DAW1: variants seen among roughly 807,000 people sequenced by gnomAD.
The protein encoded by DAW1 is dynein assembly factor with WD repeats 1.
A neutral mutation model predicts 56.5 loss-of-function variants in DAW1; 47 were observed. That is an observed-to-expected ratio of 0.83 (90% CI 0.66 to 1.06). The LOEUF is 1.06. Ranked by LOEUF, DAW1 falls within the 50% of genes least tolerant of loss-of-function variation. The pLI is 0.00. For synonymous variants in DAW1, 190 were observed against 179.0 expected (o/e 1.06, Z -0.49); for missense variants, 505 against 499.3 (o/e 1.01, Z -0.11).
At chr2:227,882,324 GA>G (rs1341750869) in intron 1 of DAW1, among the ~76,000 whole-genome samples, 1 of 152,150 alleles carries the variant, frequency 6.6e-6, no homozygotes, top group Non-Finnish European at 1.5e-5. Context: ...TAATGGTGCA[GA>G]AGCAGTGGAA....
At chr2:227,923,843 C>G in intron 12 of DAW1, 91 bp from the exon 13 acceptor site, 2 of 1,502,612 alleles carry the variant, frequency 1.3e-6, no homozygotes, top group Non-Finnish European at 1.8e-6. Flanking sequence ...TTGTTAATTA[C>G]CAATGGCCCA....
chr2:227,924,100 C>A lies in DAW1; in HGVS notation c.*132C>A. 9.5e-7 allele frequency: 1 copy of A among 1,050,120 alleles called. No homozygotes were observed. Among genetic ancestry groups the A allele is most frequent in the Non-Finnish European group, 1.4e-6 (1 of 700,272 alleles). 65.1% of individuals were successfully genotyped at this position (1,050,120 alleles called of 1,614,324 possible). ...CAAGTCAACTATTTCTACAACTGTC[C>A]TTCATTTCACAGATATGACCATTAA... On this transcript the variant is annotated 3_prime_UTR_variant, in exon 13 of 13. Coordinates refer to ENST00000309931, the MANE Select transcript of DAW1 (RefSeq NM_178821.3).
At chr2:227,912,388 T>G (rs910776075) in intron 10 of DAW1, 25 of 1,304,878 alleles carry the variant, frequency 1.9e-5, no homozygotes, top group Non-Finnish European at 2.4e-5. Context: ...TAATCATGTT[T>G]GATGTTATCC....
intron 10 of DAW1, among the ~76,000 whole-genome samples, chr2:227,916,345 G>C (rs868763975): frequency 1.3e-5 from 2 of 152,098 alleles, no homozygotes; most frequent in South Asian, 2.1e-4. Flanking sequence ...TTATCACCTT[G>C]ACAACTATAT....
At chr2:227,905,906 C>G (rs1345064440) in intron 8 of DAW1, among the ~76,000 whole-genome samples, 1 of 152,166 alleles carries the variant, frequency 6.6e-6, no homozygotes, top group African/African-American at 2.4e-5. Flanking sequence ...AGGCGCCCAC[C>G]ACCACGCCTG....
intron 11 of DAW1, 52 bp downstream of exon 11, chr2:227,918,908 G>A (rs773988955): frequency 6.3e-7 from 1 of 1,579,602 alleles, no homozygotes; most frequent in Admixed American, 1.7e-5. Flanking sequence ...AAAATAAAGA[G>A]CAGGGCCCAG....
At chr2:227,918,916 C>T in intron 11 of DAW1, 60 bp downstream of exon 11, 1 of 1,514,120 alleles carries the variant, frequency 6.6e-7, no homozygotes, top group Non-Finnish European at 9.2e-7. Flanking sequence ...GAGCAGGGCC[C>T]AGGTGCAGTG....
chr2:227,921,305 C>CTTTTTTTTTTTTTTTTTTTTTTTTTTT (rs556409280), intron 11 of DAW1, 94 bp from the exon 12 acceptor site: 1 of 433,768 alleles, frequency 2.3e-6, no homozygotes, highest in African/African-American at 4.3e-5. Flanking sequence ...CTGTAATGTC[C>CTTTTTTTTTTTTTTTTTTTTTTTTTTT]TTTTTTTTTT....
At position 227,921,378 on chromosome 2, in the gene DAW1, AT is replaced by A. The variant is rs765875210; in HGVS notation, c.1051-16del. 4.1e-6 allele frequency: 5 copies of A among 1,226,198 alleles called. No individual in the cohort carries two copies. The highest frequency in any genetic ancestry group is 5.2e-6 in the Non-Finnish European group (5 of 956,502). The allele number at this position is 1,226,198 out of a possible 1,614,324, so 76.0% of individuals were successfully genotyped here. A position where few individuals can be genotyped will look rare whatever the true frequency, so the allele number is the denominator to read the frequency against. ...GGAACCATTACACAAAGCTGTGATCATTTTTCTTTCTCTTTTGCAGATTTCT... is the reference window on the plus strand; with the variant it reads ...GGAACCATTACACAAAGCTGTGATCATTTTCTTTCTCTTTTGCAGATTTCT... On this transcript the variant is annotated intron_variant, in intron 11 of 12. Coordinates refer to ENST00000309931, the MANE Select transcript of DAW1 (RefSeq NM_178821.3).
chr2:227,887,204 C>T (rs192995047), intron 2 of DAW1, among the ~76,000 whole-genome samples: 1 of 152,202 alleles, frequency 6.6e-6, no homozygotes, highest in East Asian at 1.9e-4. Flanking sequence ...TTTTTAAAAT[C>T]AAAGAATGAA....
intron 1 of DAW1, chr2:227,872,297 A>AAAAAAAAAAAAAAAAAAAAAAG (rs1553600898): frequency 7.6e-6 from 1 of 131,464 alleles, no homozygotes. Flanking sequence ...AAAAAAGAAA[A>AAAAAAAAAAAAAAAAAAAAAAG]AAAAGAAAAA....
At chr2:227,878,779 T>C (rs1288571920) in intron 1 of DAW1, among the ~76,000 whole-genome samples, 1 of 151,474 alleles carries the variant, frequency 6.6e-6, no homozygotes. Flanking sequence ...TATTTTCTTG[T>C]TTTTCTCTTA....
chr2:227,893,726 G>C, intron 4 of DAW1, 69 bp from the exon 5 acceptor site: 2 of 1,546,566 alleles, frequency 1.3e-6, no homozygotes, highest in Non-Finnish European at 1.7e-6. Context: ...TATCCTACAG[G>C]TAAAACATGA....
At chr2:227,889,708 C>T (rs1466165346) in intron 2 of DAW1, 148 bp from the exon 3 acceptor site, 10 of 583,666 alleles carry the variant, frequency 1.7e-5, no homozygotes, top group East Asian at 3.4e-5. Flanking sequence ...CCCCGCCCCA[C>T]CCCCAGATAT....
At chr2:227,923,341 G>A (rs1692152232) in intron 12 of DAW1, among the ~76,000 whole-genome samples, 3 of 152,130 alleles carry the variant, frequency 2.0e-5, no homozygotes, top group East Asian at 1.9e-4. Context: ...AAAATAGCTG[G>A]CATGACCGTT....
intron 3 of DAW1, 137 bp from the exon 4 acceptor site, chr2:227,891,118 T>A (rs1691257050): frequency 4.2e-6 from 3 of 708,330 alleles, no homozygotes; most frequent in Non-Finnish European, 7.2e-6. Flanking sequence ...CACATAGCAC[T>A]GTCTAAAGGT....
At chr2:227,903,570 G>A (rs1330333013) in intron 7 of DAW1, among the ~76,000 whole-genome samples, 1 of 152,148 alleles carries the variant, frequency 6.6e-6, no homozygotes, top group African/African-American at 2.4e-5. Flanking sequence ...TGCCCACAGA[G>A]TGAGTGCTGT....
At chr2:227,893,646 T>C in intron 4 of DAW1, 149 bp from the exon 5 acceptor site, 1 of 1,273,660 alleles carries the variant, frequency 7.9e-7, no homozygotes. Flanking sequence ...CACTCCAGCC[T>C]GAGTGACAGA....
rs151101204 is a variant in DAW1 at position 227,892,404 on chromosome 2, G to T, written c.317+1091G>T. On this transcript the variant is annotated intron_variant, in intron 4 of 12. Coordinates refer to ENST00000309931, the MANE Select transcript of DAW1 (RefSeq NM_178821.3). The stretch of plus-strand genomic sequence containing the variant: ...CCAACTTGGCCTCCCAAAGTGCTGA[G>T]ATTACAGGCGTGAGCCACCACGCCC... Among the ~76,000 whole-genome samples, 1,416 of 152,274 alleles carry T rather than the reference G, an allele frequency of 9.3e-3. 28 individuals are homozygous for T. Among genetic ancestry groups the T allele is most frequent in the African/African-American group, 0.033 (1,357 of 41,532 alleles).
Sources: allele counts gnomAD v4.1 joint callset (sites outside exome capture counted in the v4.1 genomes callset), GRCh38; gene constraint gnomAD v4.1.1; transcripts MANE v1.5; gene names NCBI Gene and HGNC (gene_info 2026-07-23, HGNC 2026-07-21).